The following RAB10 variants were observed in gnomAD, a reference collection of about 807,000 sequenced individuals.
The protein encoded by RAB10 is ras-related protein Rab-10.
A neutral mutation model predicts 25.7 loss-of-function variants in RAB10; 5 were observed. The observed-to-expected ratio is 0.19, with a 90% CI of 0.10 to 0.41. The LOEUF is 0.41. RAB10 is among the 10% of genes least tolerant of loss of function. The pLI is 1.00. For missense variants in RAB10, 103 were observed against 245.8 expected (o/e 0.42, Z 3.89); for synonymous variants, 89 against 86.4 (o/e 1.03, Z -0.16).
chr2:26,051,366 C>T (rs1377027809), intron 1 of RAB10, among the ~76,000 whole-genome samples: 4 of 45,938 alleles, frequency 8.7e-5, no homozygotes, highest in African/African-American at 3.4e-4. Context: ...TTTTGCCCCC[C>T]CCCCCCCCCC....
intron 1 of RAB10, among the ~76,000 whole-genome samples, chr2:26,083,069 T>G (rs920412405): frequency 3.3e-5 from 5 of 152,156 alleles, no homozygotes; most frequent in Non-Finnish European, 5.9e-5. Context: ...AACAGGAACA[T>G]TTGTTTAATG....
intron 2 of RAB10, among the ~76,000 whole-genome samples, chr2:26,107,245 CAAAAAA>C (rs57391958): frequency 2.4e-4 from 16 of 66,810 alleles, no homozygotes; most frequent in South Asian, 5.1e-4. Flanking sequence ...CACCCTGTTT[CAAAAAA>C]AAAAAAAAAA....
chr2:26,061,092 CTTTTTTT>C (rs5829993), intron 1 of RAB10, among the ~76,000 whole-genome samples: 6 of 83,638 alleles, frequency 7.2e-5, no homozygotes, highest in African/African-American at 1.8e-4. Context: ...TTATCTCTGT[CTTTTTTT>C]TTTTTTTTTT....
At chr2:26,082,174 A>G (rs1282082971) in intron 1 of RAB10, among the ~76,000 whole-genome samples, 2 of 152,196 alleles carry the variant, frequency 1.3e-5, no homozygotes, top group African/African-American at 4.8e-5. Flanking sequence ...TTAAAAAACA[A>G]TAATAGCCCA....
intron 1 of RAB10, among the ~76,000 whole-genome samples, chr2:26,047,647 C>T (rs934409104): frequency 7.9e-5 from 12 of 151,414 alleles, no homozygotes; most frequent in Admixed American, 4.6e-4. Flanking sequence ...GAACGCCTGA[C>T]CTCAGGTGAT....
At chr2:26,071,319 G>A (rs1240329117) in intron 1 of RAB10, among the ~76,000 whole-genome samples, 1 of 152,202 alleles carries the variant, frequency 6.6e-6, no homozygotes, top group African/African-American at 2.4e-5. Flanking sequence ...ATTCAGACTT[G>A]AGTCCTTGGC....
chr2:26,125,190 C>A (rs1390720937), intron 3 of RAB10, among the ~76,000 whole-genome samples: 1 of 152,150 alleles, frequency 6.6e-6, no homozygotes, highest in African/African-American at 2.4e-5. Context: ...GACTTTTCCA[C>A]AGTGATTGCA....
chr2:26,136,252 G>A lies in RAB10; in HGVS notation c.*1231G>A. ...GCAGCTTGGTAGCCTAGTACAGGTTGTTTTTTTAAAAAAGGAAAAGCAGGA... is the reference window on the plus strand; with the variant it reads ...GCAGCTTGGTAGCCTAGTACAGGTTATTTTTTTAAAAAAGGAAAAGCAGGA... On this transcript the variant is annotated 3_prime_UTR_variant, in exon 6 of 6. Coordinates refer to ENST00000264710, the MANE Select transcript of RAB10 (RefSeq NM_016131.5). 1 of 152,596 alleles carries A rather than the reference G, an allele frequency of 6.6e-6. No homozygotes were observed. Among genetic ancestry groups the A allele is most frequent in the Middle Eastern group, 3.4e-3 (1 of 294 alleles). 9.5% of individuals were successfully genotyped at this position (152,596 alleles called of 1,614,324 possible).
intron 4 of RAB10, 136 bp downstream of exon 4, chr2:26,127,369 T>G (rs1010726302): frequency 7.3e-6 from 5 of 686,396 alleles, no homozygotes; most frequent in African/African-American, 5.7e-5. Context: ...GGAAATAATA[T>G]TTTATCATTT....
chr2:26,082,171 A>G (rs963428087), intron 1 of RAB10, among the ~76,000 whole-genome samples: 2 of 152,178 alleles, frequency 1.3e-5, no homozygotes, highest in Non-Finnish European at 2.9e-5. Flanking sequence ...ATTTTAAAAA[A>G]CAATAATAGC....
chr2:26,063,107 C>T (rs1666443065), intron 1 of RAB10, among the ~76,000 whole-genome samples: 2 of 110,740 alleles, frequency 1.8e-5, no homozygotes, highest in Non-Finnish European at 3.8e-5. Context: ...AAGAGTGAAA[C>T]TCCATCTCAA....
intron 3 of RAB10, among the ~76,000 whole-genome samples, chr2:26,117,074 C>T (rs1301711019): frequency 6.6e-6 from 1 of 152,076 alleles, no homozygotes; most frequent in African/African-American, 2.4e-5. Flanking sequence ...GAAGCGTGTT[C>T]TACTTTTTAG....
chr2:26,135,315 A>G lies in RAB10; in HGVS notation c.*294A>G, dbSNP rs747316729. The G allele has an allele frequency of 5.3e-5, 14 of 265,264 alleles. No individual in the cohort carries two copies. The highest frequency in any genetic ancestry group is 8.5e-5 in the Non-Finnish European group (12 of 141,318). The allele number at this position is 265,264 out of a possible 1,614,324, so 16.4% of individuals were successfully genotyped here. On this transcript the variant is annotated 3_prime_UTR_variant, in exon 6 of 6. Transcript: ENST00000264710. ...ATAGTCCAGTTCTTATCAACATTAA[A>G]ACCTATAGCAATCATTTCAAATCTA... is the stretch of plus-strand genomic sequence containing the variant.
intron 4 of RAB10, 22 bp downstream of exon 4, chr2:26,127,255 A>C (rs747611649): frequency 6.6e-7 from 1 of 1,506,280 alleles, no homozygotes; most frequent in African/African-American, 1.4e-5. Context: ...AATTAAACTG[A>C]TACTCTGCTC....
At chr2:26,077,626 A>G (rs1666766256) in intron 1 of RAB10, among the ~76,000 whole-genome samples, 1 of 152,204 alleles carries the variant, frequency 6.6e-6, no homozygotes. Context: ...TTTGTAATAC[A>G]ATTTTAATGC....
chr2:26,095,747 A>G (rs1667199191), intron 1 of RAB10, among the ~76,000 whole-genome samples: 1 of 152,050 alleles, frequency 6.6e-6, no homozygotes, highest in African/African-American at 2.4e-5. Flanking sequence ...CGTCGTTTCT[A>G]CAAATAATAC....
intron 1 of RAB10, among the ~76,000 whole-genome samples, chr2:26,054,725 G>C (rs1666215312): frequency 6.6e-6 from 1 of 152,164 alleles, no homozygotes; most frequent in Admixed American, 6.6e-5. Flanking sequence ...AATCCCCTTA[G>C]ATCTTCCAGA....
chr2:26,039,519 T>C (rs1665838408), intron 1 of RAB10, among the ~76,000 whole-genome samples: 1 of 150,512 alleles, frequency 6.6e-6, no homozygotes, highest in Non-Finnish European at 1.5e-5. Flanking sequence ...GCTAATTTTT[T>C]TGTATTTTTA....
Position 26,034,119 on chromosome 2 carries a change from C to G in RAB10, c.-490C>G, listed in dbSNP as rs537425399. On this transcript the variant is annotated 5_prime_UTR_variant, in exon 1 of 6. Coordinates refer to ENST00000264710, the MANE Select transcript of RAB10 (RefSeq NM_016131.5). ...GCGCGCACGCCGGCGTGAGAGGGCA[C>G]GGGGAAAAGGTGGCTCTGGCCGGGG... The G allele has an allele frequency of 2.5e-6, 1 of 403,602 alleles. No individual in the cohort carries two copies. Among genetic ancestry groups the G allele is most frequent in the Non-Finnish European group, 4.4e-6 (1 of 228,454 alleles). The allele number at this position is 403,602 out of a possible 1,614,324, so 25.0% of individuals were successfully genotyped here.
Sources: allele counts gnomAD v4.1 joint callset (sites outside exome capture counted in the v4.1 genomes callset), GRCh38; gene constraint gnomAD v4.1.1; transcripts MANE v1.5; gene names NCBI Gene and HGNC (gene_info 2026-07-23, HGNC 2026-07-21).